Variants in TCN1 observed in about 807,000 individuals in gnomAD.
TCN1 encodes transcobalamin-1.
In TCN1, 47 loss-of-function variants were observed where a neutral mutation model predicts 46.3. The ratio of observed to expected loss-of-function variants is 1.01; its 90% CI spans 0.80 to 1.29. TCN1 has a LOEUF of 1.29. TCN1 is among the 50% of genes most tolerant of loss of function. The pLI, the probability that TCN1 is intolerant of heterozygous loss-of-function variation, is 0.00. For synonymous variants in TCN1, 183 were observed against 192.5 expected (o/e 0.95, Z 0.41); for missense variants, 532 against 511.0 (o/e 1.04, Z -0.40).
At chr11:59,863,202 G>A (rs145783765) in intron 2 of TCN1, among the ~76,000 whole-genome samples, 2 of 152,190 alleles carry the variant, frequency 1.3e-5, no homozygotes, top group African/African-American at 2.4e-5. Flanking sequence ...TCAAAGCAGA[G>A]CCTTTTAGAG....
chr11:59,862,544 A>G, intron 3 of TCN1, 38 bp downstream of exon 3: 1 of 1,610,096 alleles, frequency 6.2e-7, no homozygotes, highest in Non-Finnish European at 8.5e-7. Flanking sequence ...GGAGGAGAAG[A>G]CAAGGTAGTC....
chr11:59,863,800 G>C (rs1431853584), intron 2 of TCN1, 107 bp downstream of exon 2: 1 of 1,239,360 alleles, frequency 8.1e-7, no homozygotes, highest in Non-Finnish European at 1.2e-6. Flanking sequence ...CCATTAGAAG[G>C]GATGTAGCAG....
intron 1 of TCN1, among the ~76,000 whole-genome samples, chr11:59,864,305 T>C (rs1197107483): frequency 6.6e-6 from 1 of 152,168 alleles, no homozygotes; most frequent in African/African-American, 2.4e-5. Flanking sequence ...TGTTTTAATA[T>C]TTTAACAACT....
chr11:59,860,744 A>G (rs745805315), intron 4 of TCN1, among the ~76,000 whole-genome samples: 48 of 152,190 alleles, frequency 3.2e-4, no homozygotes, highest in Admixed American at 5.9e-4. Flanking sequence ...AGACTGGAAG[A>G]AGGAAAGATA....
At chr11:59,861,180 C>T (rs1011433730) in intron 4 of TCN1, among the ~76,000 whole-genome samples, 1 of 152,170 alleles carries the variant, frequency 6.6e-6, no homozygotes, top group African/African-American at 2.4e-5. Flanking sequence ...TTGCATTTCC[C>T]TTTTCTAAAA....
At chr11:59,864,654 T>C (rs1853053295) in intron 1 of TCN1, among the ~76,000 whole-genome samples, 1 of 152,176 alleles carries the variant, frequency 6.6e-6, no homozygotes, top group Non-Finnish European at 1.5e-5. Context: ...TTATGCAGCC[T>C]GTAAAAAACT....
In TCN1 at chr11:59,859,285, A is replaced by G; in HGVS notation, c.557-18T>C. The G allele has an allele frequency of 1.9e-6, 3 of 1,611,990 alleles. No homozygotes were observed. Among genetic ancestry groups the G allele is most frequent in the African/African-American group, 1.3e-5 (1 of 75,030 alleles). ...ACCAGTATCTGTCAGGAAACAAAAC[A>G]TTGTTGATAGGCGACCAACCACCTC... On this transcript the variant is annotated intron_variant, in intron 4 of 8. Coordinates refer to ENST00000257264, the MANE Select transcript of TCN1 (RefSeq NM_001062.4).
Position 59,852,904 on chromosome 11 carries a change from A to G in TCN1, c.*71T>C. 1 of 1,342,580 alleles carries G rather than the reference A, an allele frequency of 7.4e-7. No homozygotes were observed. Among genetic ancestry groups the G allele is most frequent in the East Asian group, 2.3e-5 (1 of 43,544 alleles). 83.2% of individuals were successfully genotyped at this position (1,342,580 alleles called of 1,614,324 possible). The stretch of plus-strand genomic sequence containing the variant: ...CTCGTACTGGGATAAATGAAGAAGA[A>G]GGCATAAGGACAATAAACATGGAAC... On this transcript the variant is annotated 3_prime_UTR_variant, in exon 9 of 9. Transcript: ENST00000257264.
chr11:59,864,398 A>C (rs765137736), intron 1 of TCN1, among the ~76,000 whole-genome samples: 1 of 152,202 alleles, frequency 6.6e-6, no homozygotes, highest in South Asian at 2.1e-4. Context: ...TGAAGCTTAG[A>C]TAGATTGTCC....
In TCN1 at chr11:59,854,679, G is replaced by A; in HGVS notation, c.1094C>T (p.Ala365Val). Residue 365 changes from alanine (A) to valine (V), a missense_variant, in exon 7 of 9, where the codon GCC becomes GTC. Transcript: ENST00000257264. ...AAATATAGTATCATTCATTTTCTGGGCTTTCTCCATCACACTGAGGAAGAC... is the reference window on the plus strand; with the variant it reads ...AAATATAGTATCATTCATTTTCTGGACTTTCTCCATCACACTGAGGAAGAC... ...GSVFLSVMEKAQKMNDTIFGF... is the reference protein window; with the variant it reads ...GSVFLSVMEKVQKMNDTIFGF... 2 of 1,613,846 alleles carry A rather than the reference G, an allele frequency of 1.2e-6. No homozygotes were observed. Among genetic ancestry groups the A allele is most frequent in the Admixed American group, 1.7e-5 (1 of 60,012 alleles).
chr11:59,863,000 A>G (rs1187496910), intron 2 of TCN1, among the ~76,000 whole-genome samples: 1 of 152,232 alleles, frequency 6.6e-6, no homozygotes, highest in Non-Finnish European at 1.5e-5. Flanking sequence ...GCTAAAAACC[A>G]GTATAGCATG....
rs761528377 is a variant in TCN1, at chr11:59,859,081, A to C, written c.743T>G (p.Met248Arg). The C allele has an allele frequency of 4.0e-5, 64 of 1,612,672 alleles. No individual in the cohort carries two copies. The South Asian group carries it at 6.1e-4, about 15-fold the overall frequency. ...CTGTTTCACCCTCTGACTTACCTGC[A>C]TGGCTTCTCCTGTGCTAAATGTGTT... Reference protein sequence around the residue: ...IGNTFSTGEAMQALFVSSDYY... With the variant: ...IGNTFSTGEARQALFVSSDYY... Residue 248 changes from methionine to arginine, a missense_variant, in exon 5 of 9, where the codon ATG becomes AGG. By Grantham distance (91) the Met-to-Arg change is moderately conservative (BLOSUM62 -1). Transcript: ENST00000257264.
chr11:59,861,467 G>A, intron 4 of TCN1, 60 bp downstream of exon 4: 1 of 1,579,238 alleles, frequency 6.3e-7, no homozygotes, highest in Non-Finnish European at 8.7e-7. Context: ...AAAACTCAAA[G>A]AGCAAGACCT....
intron 6 of TCN1, 103 bp downstream of exon 6, chr11:59,855,766 G>C: frequency 7.9e-7 from 1 of 1,268,324 alleles, no homozygotes; most frequent in Non-Finnish European, 1.1e-6. Flanking sequence ...TTATGTTTTG[G>C]AGGTTTATCT....
In TCN1 at chr11:59,859,185, A is replaced by T. The variant is rs370458763; in HGVS notation, c.639T>A (p.Ser213Arg). 7 of 1,613,928 alleles carry T rather than the reference A, an allele frequency of 4.3e-6. No individual in the cohort carries two copies. Among genetic ancestry groups the T allele is most frequent in the Non-Finnish European group, 5.9e-6 (7 of 1,179,996 alleles). ...TTGTATAAATACTGATGTTCTTTAA[A>T]CTGCCTTCATCTGCTTTGATCTGCC... Reference protein sequence around the residue: ...INGQIKADEGSLKNISIYTKS... With the variant: ...INGQIKADEGRLKNISIYTKS... Residue 213 changes from serine (S) to arginine (R), a missense_variant, in exon 5 of 9, where the codon AGT (serine) becomes AGA (arginine). Coordinates refer to ENST00000257264, the MANE Select transcript of TCN1 (RefSeq NM_001062.4).
intron 4 of TCN1, among the ~76,000 whole-genome samples, chr11:59,859,672 CTG>C (rs1305277507): frequency 6.6e-6 from 1 of 152,182 alleles, no homozygotes; most frequent in African/African-American, 2.4e-5. Context: ...ACTTATGACA[CTG>C]TGTCCTGTGT....
Position 59,862,686 on chromosome 11 carries a change from A to C in TCN1, c.296T>G (p.Ile99Arg). The C allele has an allele frequency of 1.2e-6, 2 of 1,613,902 alleles. No homozygotes were observed. Among genetic ancestry groups the C allele is most frequent in the Admixed American group, 1.7e-5 (1 of 60,010 alleles). Residue 99 changes from isoleucine (I) to arginine (R), a missense_variant, in exon 3 of 9, where the codon ATA becomes AGA. Transcript: ENST00000257264. Reference protein sequence around the residue: ...DVSSGELALIILALGVCRNAE... With the variant: ...DVSSGELALIRLALGVCRNAE... Reference sequence around the variant, plus strand: ...GTTACGACATACTCCCAAAGCCAGTATAATCAAGGCAAGCTCTCCCGAGCT... The same window carrying C: ...GTTACGACATACTCCCAAAGCCAGTCTAATCAAGGCAAGCTCTCCCGAGCT...
intron 3 of TCN1, among the ~76,000 whole-genome samples, chr11:59,862,319 ATGTGTG>A (rs111246786): frequency 6.7e-6 from 1 of 150,310 alleles, no homozygotes; most frequent in Admixed American, 6.6e-5. Context: ...GTGTGTGTGC[ATGTGTG>A]TGTGTGTGTG....
intron 4 of TCN1, among the ~76,000 whole-genome samples, chr11:59,860,022 T>C (rs1357457183): frequency 6.6e-6 from 1 of 152,158 alleles, no homozygotes; most frequent in South Asian, 2.1e-4. Flanking sequence ...CACACACACA[T>C]AGCAGGTAAA....
Sources: allele counts gnomAD v4.1 joint callset (sites outside exome capture counted in the v4.1 genomes callset), GRCh38; gene constraint gnomAD v4.1.1; transcripts MANE v1.5; gene names NCBI Gene and HGNC (gene_info 2026-07-23, HGNC 2026-07-21).